Variants in MYO10 observed in about 807,000 individuals in gnomAD.
MYO10 encodes myosin X.
Under a neutral mutation model 257.3 loss-of-function variants are expected in MYO10, and 133 were observed. The observed-to-expected ratio is 0.52, with a 90% CI of 0.45 to 0.60. MYO10 has a LOEUF of 0.60. Among genes scored for constraint, MYO10 ranks in the 20% least tolerant of loss-of-function variants. The pLI is 0.00. For missense variants in MYO10, 2,399 were observed against 2,635.7 expected (o/e 0.91, Z 1.97); for synonymous variants, 1,104 against 1,028.6 (o/e 1.07, Z -1.40).
At chr5:16,787,658 T>C (rs1258034317) in intron 4 of MYO10, among the ~76,000 whole-genome samples, 1 of 134,836 alleles carries the variant, frequency 7.4e-6, no homozygotes, top group Non-Finnish European at 1.6e-5. Context: ...ATAATGAAAA[T>C]GTGAAAACAA....
intron 1 of MYO10, among the ~76,000 whole-genome samples, chr5:16,893,633 C>CAAA (rs58021066): frequency 4.2e-4 from 24 of 57,182 alleles, no homozygotes; most frequent in South Asian, 1.2e-3. Flanking sequence ...GACTCTGTCT[C>CAAA]AAAAAAAAAA....
chr5:16,836,387 T>C (rs1264629993), intron 2 of MYO10, among the ~76,000 whole-genome samples: 1 of 152,198 alleles, frequency 6.6e-6, no homozygotes, highest in Admixed American at 6.5e-5. Context: ...CCTACTTTGG[T>C]TATAACCCAC....
intron 2 of MYO10, among the ~76,000 whole-genome samples, chr5:16,867,653 G>A (rs1165560891): frequency 6.6e-6 from 1 of 152,184 alleles, no homozygotes; most frequent in African/African-American, 2.4e-5. Flanking sequence ...AAAAGTCAGA[G>A]ACGGCTTTAA....
In MYO10 at chr5:16,702,551, C is replaced by T. The variant is rs550120876; in HGVS notation, c.2548G>A (p.Ala850Thr). ...ERERREAELR[A>T]QQEEETRKQQ... ...GTCACTGCACTCATTACCTGCTGGGCGCGGAGCTCGGCTTCTCTTCGCTCT... is the reference window on the plus strand; with the variant it reads ...GTCACTGCACTCATTACCTGCTGGGTGCGGAGCTCGGCTTCTCTTCGCTCT... Residue 850 changes from alanine (A) to threonine (T), a missense_variant, in exon 24 of 41, where the codon GCC becomes ACC. By Grantham distance (58) the Ala-to-Thr change is moderately conservative. Coordinates refer to ENST00000513610, the MANE Select transcript of MYO10 (RefSeq NM_012334.3). 8.8e-5 allele frequency: 140 copies of T among 1,591,278 alleles called. No individual in the cohort carries two copies. The highest frequency in any genetic ancestry group is 7.5e-5 in the Non-Finnish European group (88 of 1,168,294).
chr5:16,691,045 G>A (rs889204275), intron 27 of MYO10, among the ~76,000 whole-genome samples: 2 of 151,896 alleles, frequency 1.3e-5, no homozygotes, highest in African/African-American at 2.4e-5. Context: ...TGAGGCGGGC[G>A]GATCATGAGG....
At chr5:16,884,063 T>C (rs1744830558) in intron 1 of MYO10, among the ~76,000 whole-genome samples, 1 of 152,178 alleles carries the variant, frequency 6.6e-6, no homozygotes, top group Admixed American at 6.5e-5. Flanking sequence ...AAACTCAAAA[T>C]TTGCTCTTGA....
In MYO10 at chr5:16,783,395, G is replaced by C. The variant is rs1741481883; in HGVS notation, c.542C>G (p.Ser181Cys). The change falls in exon 5 of 41, where the codon TCT becomes TGT. Residue 181 changes from serine to cysteine, a missense_variant. Transcript: ENST00000513610. ...CTTCTCCTTTAAGGACAATTCCAAA[G>C]ACTGTTGACTGATGACTGACAGAAA... Reference protein sequence around the residue: ...LKFLSVISQQSLELSLKEKTS... With the variant: ...LKFLSVISQQCLELSLKEKTS... 6.2e-7 allele frequency: 1 copy of C among 1,607,226 alleles called. No homozygotes were observed. Among genetic ancestry groups the C allele is most frequent in the Non-Finnish European group, 8.5e-7 (1 of 1,176,726 alleles).
rs894098939 is a variant in MYO10 at position 16,719,448 on chromosome 5, A to G, written c.1930-8203T>C. ...CTGTATCCCAAGGATGATGCCCTGC[A>G]TGTGACAACGTATATAATAACGACT... is the stretch of plus-strand genomic sequence containing the variant. On this transcript the variant is annotated intron_variant, in intron 19 of 40. Transcript: ENST00000513610. Among the ~76,000 whole-genome samples, 3 of 152,166 alleles carry G rather than the reference A, an allele frequency of 2.0e-5. No individual in the cohort carries two copies. In the East Asian group the frequency reaches 5.8e-4, roughly 29 times the overall value.
intron 25 of MYO10, among the ~76,000 whole-genome samples, chr5:16,700,461 G>A (rs1233731366): frequency 1.3e-5 from 2 of 152,224 alleles, no homozygotes; most frequent in Non-Finnish European, 2.9e-5. Context: ...TGGATCACCT[G>A]AGGTCAGGAG....
At position 16,741,906 on chromosome 5, in the gene MYO10, T is replaced by G. The variant is rs1740029787; in HGVS notation, c.1929+12922A>C. ...AAGCTGACAGACACAAAAATGGGCTTTCTTCGGCTGGCTGGTGTTCCCAGC... is the reference window on the plus strand; with the variant it reads ...AAGCTGACAGACACAAAAATGGGCTGTCTTCGGCTGGCTGGTGTTCCCAGC... On this transcript the variant is annotated intron_variant, in intron 19 of 40. Transcript: ENST00000513610. 5.1e-6 allele frequency: 5 copies of G among 985,278 alleles called. No individual in the cohort carries two copies. In the South Asian group the frequency reaches 2.3e-4, roughly 46 times the overall value. The allele number at this position is 985,278 out of a possible 1,614,324, so 61.0% of individuals were successfully genotyped here. A position where few individuals can be genotyped will look rare whatever the true frequency, so the allele number is the denominator to read the frequency against.
At chr5:16,891,547 T>C (rs113190054) in intron 1 of MYO10, among the ~76,000 whole-genome samples, 13 of 152,152 alleles carry the variant, frequency 8.5e-5, no homozygotes, top group African/African-American at 2.7e-4. Flanking sequence ...TAAAATTAGA[T>C]AGTGATGATG....
chr5:16,916,357 C>T (rs552050063), intron 1 of MYO10: 2 of 173,018 alleles, frequency 1.2e-5, no homozygotes, highest in South Asian at 1.2e-4. Context: ...ACTAAAGCTC[C>T]TCTAGAAAGA....
intron 2 of MYO10, among the ~76,000 whole-genome samples, chr5:16,833,589 G>A (rs538417545): frequency 5.3e-5 from 8 of 152,084 alleles, no homozygotes; most frequent in Non-Finnish European, 1.0e-4. Flanking sequence ...ATAAGATTTT[G>A]GTTTCTTTGG....
intron 19 of MYO10, among the ~76,000 whole-genome samples, chr5:16,714,354 G>A (rs1738755569): frequency 6.6e-6 from 1 of 152,040 alleles, no homozygotes; most frequent in African/African-American, 2.4e-5. Context: ...TCAACAGGAT[G>A]GGATGGAACA....
chr5:16,878,946 A>AC (rs1224180144), intron 1 of MYO10, among the ~76,000 whole-genome samples: 1 of 152,034 alleles, frequency 6.6e-6, no homozygotes, highest in African/African-American at 2.4e-5. Context: ...ATATCCATGT[A>AC]ACTAAACACC....
intron 26 of MYO10, among the ~76,000 whole-genome samples, chr5:16,695,105 G>C (rs556090863): frequency 6.6e-6 from 1 of 152,108 alleles, no homozygotes; most frequent in African/African-American, 2.4e-5. Context: ...AGGCCGAGGC[G>C]GGTGGATCAC....
chr5:16,694,746 C>T, intron 26 of MYO10, 132 bp from the exon 27 acceptor site: 1 of 1,196,610 alleles, frequency 8.4e-7, no homozygotes, highest in Non-Finnish European at 1.2e-6. Flanking sequence ...CGCAGAGACC[C>T]CTCAGTGAGG....
rs1736030955 is a variant in MYO10, at chr5:16,662,979, T to C, written c.*3713A>G. The stretch of plus-strand genomic sequence containing the variant: ...TTTATAAATTACCCAGTCTCAGGCA[T>C]GTCCTTCTAGCAGTGTGAGAATGGA... On this transcript the variant is annotated 3_prime_UTR_variant, in exon 41 of 41. Coordinates refer to ENST00000513610, the MANE Select transcript of MYO10 (RefSeq NM_012334.3). The C allele has an allele frequency of 6.6e-6, 1 of 152,258 alleles. No individual in the cohort carries two copies. The highest frequency in any genetic ancestry group is 2.1e-4 in the South Asian group (1 of 4,830). The allele number at this position is 152,258 out of a possible 1,614,324, so 9.4% of individuals were successfully genotyped here.
chr5:16,870,909 T>A (rs897164764), intron 2 of MYO10, among the ~76,000 whole-genome samples: 18 of 152,070 alleles, frequency 1.2e-4, no homozygotes, highest in African/African-American at 3.9e-4. Context: ...ACAAAAAAAA[T>A]TCTCTGAAAT....
Sources: gnomAD v4.1 joint callset for allele counts (sites outside exome capture counted in the v4.1 genomes callset) on GRCh38, gnomAD v4.1.1 for gene constraint, MANE v1.5 for transcripts, NCBI Gene and HGNC (gene_info 2026-07-23, HGNC 2026-07-21) for gene names.